The following CLIP2 variants were observed in gnomAD, a reference collection of about 807,000 sequenced individuals.
The protein encoded by CLIP2 is CAP-Gly domain containing linker protein 2.
Under a neutral mutation model 111.7 loss-of-function variants are expected in CLIP2, and 41 were observed. The observed-to-expected ratio is 0.37, with a 90% CI of 0.29 to 0.48. The LOEUF (loss-of-function observed/expected upper bound fraction) is 0.48, where lower values mean the gene tolerates loss of function less well. Ranked by LOEUF, CLIP2 falls within the 20% of genes least tolerant of loss-of-function variation. The pLI, the probability that CLIP2 is intolerant of heterozygous loss-of-function variation, is 0.99. For synonymous variants in CLIP2, 660 were observed against 644.2 expected (o/e 1.02, Z -0.37); for missense variants, 1,160 against 1,422.1 (o/e 0.82, Z 2.96).
chr7:74,365,577 A>ATCCAG (rs1230360764), intron 8 of CLIP2, among the ~76,000 whole-genome samples: 1 of 152,172 alleles, frequency 6.6e-6, no homozygotes, highest in Admixed American at 6.6e-5. Context: ...TCCACCCCGG[A>ATCCAG]TCCAGCCGGC....
chr7:74,372,960 T>C lies in CLIP2; in HGVS notation c.1409T>C (p.Ile470Thr). 1.3e-5 allele frequency: 18 copies of C among 1,381,156 alleles called. No homozygotes were observed. Among genetic ancestry groups the C allele is most frequent in the Non-Finnish European group, 1.5e-5 (16 of 1,044,660 alleles). 85.6% of individuals were successfully genotyped at this position (1,381,156 alleles called of 1,614,324 possible). The change falls in exon 9 of 17, where the codon ATT (isoleucine) becomes ACT (threonine). Residue 470 changes from isoleucine to threonine, a missense_variant. Coordinates refer to ENST00000223398, the MANE Select transcript of CLIP2 (RefSeq NM_003388.5). Reference sequence around the variant, plus strand: ...CAGACGCAGCTGGAGCACGCGCGCATTGGGGAGCTGGAACAGAGCCTGCTA... The same window carrying C: ...CAGACGCAGCTGGAGCACGCGCGCACTGGGGAGCTGGAACAGAGCCTGCTA... ...ETQTQLEHAR[I>T]GELEQSLLLE...
chr7:74,378,757 A>G (rs1790864234), intron 10 of CLIP2, among the ~76,000 whole-genome samples: 1 of 152,074 alleles, frequency 6.6e-6, no homozygotes, highest in Admixed American at 6.5e-5. Context: ...TACACAAACC[A>G]AAAAAACCCG....
intron 1 of CLIP2, among the ~76,000 whole-genome samples, chr7:74,295,548 T>C (rs1306258714): frequency 2.0e-5 from 3 of 152,142 alleles, no homozygotes; most frequent in Non-Finnish European, 4.4e-5. Flanking sequence ...CACAAATCCA[T>C]TCATTTGTTT....
intron 3 of CLIP2, among the ~76,000 whole-genome samples, chr7:74,352,698 CAAA>C (rs56250956): frequency 1.5e-5 from 2 of 132,060 alleles, no homozygotes; most frequent in African/African-American, 2.8e-5. Flanking sequence ...AACACTGTCT[CAAA>C]AAAAAAAAAA....
chr7:74,335,658 CCTTCCTTCCTTCCTTCCTTG>C (rs1221412840), intron 2 of CLIP2, among the ~76,000 whole-genome samples: 13 of 142,526 alleles, frequency 9.1e-5, no homozygotes, highest in African/African-American at 2.8e-4. Flanking sequence ...TTCCTTCCTT[CCTTCCTTCCTTCCTTCCTTG>C]CTTCCTTCCT....
intron 15 of CLIP2, among the ~76,000 whole-genome samples, chr7:74,401,089 C>T (rs559644877): frequency 6.7e-4 from 89 of 132,608 alleles, no homozygotes; most frequent in African/African-American, 2.3e-3. Flanking sequence ...AGCTCTGTCC[C>T]GGAACCCTGG....
intron 4 of CLIP2, among the ~76,000 whole-genome samples, chr7:74,355,609 CGAAA>C: frequency 6.6e-6 from 1 of 151,984 alleles, no homozygotes; most frequent in Non-Finnish European, 1.5e-5. Context: ...GACCCTGTCT[CGAAA>C]GAAAGAAAAA....
intron 3 of CLIP2, among the ~76,000 whole-genome samples, chr7:74,351,899 A>G (rs562465): frequency 0.62 from 94,280 of 151,970 alleles, 30,613 homozygotes; most frequent in Middle Eastern, 0.75. Context: ...GTAAACCAAG[A>G]AAGAAGAGTC....
In CLIP2 at chr7:74,300,181, T is replaced by C. The variant is rs142368534; in HGVS notation, c.-68+10447T>C. 1.8e-3 allele frequency among the ~76,000 whole-genome samples: 273 copies of C among 151,544 alleles called. 1 individual carries two copies. The highest frequency in any genetic ancestry group is 3.4e-3 in the African/African-American group (141 of 41,276). On this transcript the variant is annotated intron_variant, in intron 1 of 16. Transcript: ENST00000223398. Reference sequence around the variant, plus strand: ...TTTGTATTTTTAGTAGAGATGGGATTTTGCCAGTTTGGCCAGGCTGGTCTC... The same window carrying C: ...TTTGTATTTTTAGTAGAGATGGGATCTTGCCAGTTTGGCCAGGCTGGTCTC...
At chr7:74,372,579 T>A (rs1790659022) in intron 8 of CLIP2, among the ~76,000 whole-genome samples, 1 of 148,192 alleles carries the variant, frequency 6.7e-6, no homozygotes, top group South Asian at 2.1e-4. Flanking sequence ...GGTCAAGGGC[T>A]GCTGGTTGGG....
At chr7:74,299,364 T>G (rs1468365678) in intron 1 of CLIP2, among the ~76,000 whole-genome samples, 1 of 131,362 alleles carries the variant, frequency 7.6e-6, no homozygotes, top group African/African-American at 2.8e-5. Flanking sequence ...AATAAATAAA[T>G]AAAGGCCCTG....
Position 74,397,130 on chromosome 7 carries a change from C to G in CLIP2, c.2777C>G (p.Pro926Arg), listed in dbSNP as rs782369838. ...LLEANRHSPG[P>R]ERDLSREVHK... The stretch of plus-strand genomic sequence containing the variant: ...GAGGCCAATCGTCACTCCCCAGGGC[C>G]GGAGAGGGACCTGAGCCGTGAGGTA... Residue 926 changes from proline (P) to arginine (R), a missense_variant, in exon 14 of 17, where the codon CCG (proline) becomes CGG (arginine). Transcript: ENST00000223398. 6.2e-7 allele frequency: 1 copy of G among 1,613,764 alleles called. No individual in the cohort carries two copies. Among genetic ancestry groups the G allele is most frequent in the Middle Eastern group, 1.7e-4 (1 of 6,058 alleles).
intron 1 of CLIP2, among the ~76,000 whole-genome samples, chr7:74,301,063 T>C (rs1048329373): frequency 2.6e-5 from 4 of 152,190 alleles, no homozygotes; most frequent in Non-Finnish European, 5.9e-5. Context: ...GTATACGCGT[T>C]CCCTTTCCTC....
chr7:74,369,972 A>C (rs12055915), intron 8 of CLIP2, among the ~76,000 whole-genome samples: 5 of 74,514 alleles, frequency 6.7e-5, no homozygotes, highest in Admixed American at 1.6e-4. Context: ...AGCCTGGCTA[A>C]CATGGCGAAA....
chr7:74,315,281 T>C (rs1554728986), intron 1 of CLIP2, among the ~76,000 whole-genome samples: 1 of 151,536 alleles, frequency 6.6e-6, no homozygotes, highest in African/African-American at 2.4e-5. Flanking sequence ...GTCACAAAAA[T>C]ACATTTAAAA....
At position 74,353,993 on chromosome 7, in the gene CLIP2, G is replaced by T. The variant is rs889737079; in HGVS notation, c.792G>T (p.Val264=). 2 of 1,612,698 alleles carry T rather than the reference G, an allele frequency of 1.2e-6. No individual in the cohort carries two copies. The highest frequency in any genetic ancestry group is 8.5e-7 in the Non-Finnish European group (1 of 1,179,028). The change falls in exon 4 of 17, where the codon GTG becomes GTT. Residue 264 remains valine, a synonymous_variant. Coordinates refer to ENST00000223398, the MANE Select transcript of CLIP2 (RefSeq NM_003388.5). The part of the protein sequence containing the change: ...DEPLGKNDGA[V]AGTRYFQCPP... ...CCCTTGGGAAGAATGATGGGGCGGTGGCGGGCACCAGGTATGGTGGGCTTC... is the reference window on the plus strand; with the variant it reads ...CCCTTGGGAAGAATGATGGGGCGGTTGCGGGCACCAGGTATGGTGGGCTTC...
At chr7:74,313,204 C>A (rs1788686395) in intron 1 of CLIP2, among the ~76,000 whole-genome samples, 1 of 151,810 alleles carries the variant, frequency 6.6e-6, no homozygotes, top group African/African-American at 2.4e-5. Context: ...TGGCATGCAC[C>A]TGTGGTCCCA....
At chr7:74,306,052 C>T (rs2116472231) in intron 1 of CLIP2, among the ~76,000 whole-genome samples, 1 of 152,226 alleles carries the variant, frequency 6.6e-6, no homozygotes, top group South Asian at 2.1e-4. Flanking sequence ...CTGCTGCCTT[C>T]CAGCCCCACC....
At chr7:74,348,554 C>T (rs185666105) in intron 3 of CLIP2, among the ~76,000 whole-genome samples, 1,628 of 151,992 alleles carry the variant, frequency 0.011, 16 homozygotes, top group Middle Eastern at 0.017. Flanking sequence ...CTTTGGGAGG[C>T]CGAGGCAGGT....
Sources: gnomAD v4.1 joint callset for allele counts (sites outside exome capture counted in the v4.1 genomes callset) on GRCh38, gnomAD v4.1.1 for gene constraint, MANE v1.5 for transcripts, NCBI Gene and HGNC (gene_info 2026-07-23, HGNC 2026-07-21) for gene names.